GALNTL6: variants seen among roughly 807,000 people sequenced by gnomAD.
GALNTL6 encodes polypeptide N-acetylgalactosaminyltransferase like 6, also known as polypeptide N-acetylgalactosaminyltransferase-like 6.
A neutral mutation model predicts 73.7 loss-of-function variants in GALNTL6; 46 were observed. The observed-to-expected ratio is 0.62, with a 90% CI of 0.49 to 0.80. GALNTL6 has a LOEUF of 0.80. Ranked by LOEUF, GALNTL6 falls within the 30% of genes least tolerant of loss-of-function variation. The probability of loss-of-function intolerance (pLI) is 0.00; values close to 1 mark genes in which losing one functional copy is unlikely to be tolerated. For missense variants in GALNTL6, 604 were observed against 755.0 expected (o/e 0.80, Z 2.34); for synonymous variants, 259 against 263.7 (o/e 0.98, Z 0.17).
chr4:172,127,065 C>T (rs1733316915), intron 2 of GALNTL6, among the ~76,000 whole-genome samples: 1 of 152,224 alleles, frequency 6.6e-6, no homozygotes, highest in Admixed American at 6.5e-5. Context: ...ACTCCCCAGT[C>T]ACCTGCATAT....
intron 4 of GALNTL6, among the ~76,000 whole-genome samples, chr4:172,337,951 G>A (rs1377509607): frequency 2.6e-5 from 4 of 151,346 alleles, no homozygotes; most frequent in East Asian, 1.9e-4. Context: ...CATGTTTCTC[G>A]AAGACTTAAT....
chr4:172,055,683 C>A (rs1731001175), intron 2 of GALNTL6, among the ~76,000 whole-genome samples: 1 of 152,146 alleles, frequency 6.6e-6, no homozygotes, highest in Non-Finnish European at 1.5e-5. Flanking sequence ...CTAAGCAGGT[C>A]CTCTGGGCTG....
intron 2 of GALNTL6, among the ~76,000 whole-genome samples, chr4:171,954,609 A>T (rs1304667179): frequency 6.6e-6 from 1 of 152,220 alleles, no homozygotes; most frequent in Non-Finnish European, 1.5e-5. Flanking sequence ...ATTTCTAAAT[A>T]TTCATTAAAA....
At chr4:172,002,414 G>A (rs1234353549) in intron 2 of GALNTL6, among the ~76,000 whole-genome samples, 1 of 152,064 alleles carries the variant, frequency 6.6e-6, no homozygotes, top group Non-Finnish European at 1.5e-5. Flanking sequence ...CTCACCAAAG[G>A]TAAAATCTTC....
intron 5 of GALNTL6, among the ~76,000 whole-genome samples, chr4:172,605,498 C>T (rs992742849): frequency 6.6e-6 from 1 of 151,874 alleles, no homozygotes; most frequent in Non-Finnish European, 1.5e-5. Context: ...TAAAAGATAA[C>T]AACAAAATGA....
intron 2 of GALNTL6, among the ~76,000 whole-genome samples, chr4:172,180,938 T>C (rs1350841411): frequency 6.6e-6 from 1 of 152,236 alleles, no homozygotes; most frequent in Non-Finnish European, 1.5e-5. Flanking sequence ...CGGGCTGTTC[T>C]TTTCTTCTCT....
chr4:171,994,938 T>A (rs1026968442), intron 2 of GALNTL6, among the ~76,000 whole-genome samples: 3 of 151,874 alleles, frequency 2.0e-5, no homozygotes, highest in Non-Finnish European at 2.9e-5. Context: ...ACTAAACATT[T>A]AAAAAGTGAC....
rs375702794 is a variant in GALNTL6, at chr4:172,385,567, C to G, written c.553+36878C>G. On this transcript the variant is annotated intron_variant, in intron 5 of 12. Transcript: ENST00000506823. ...TTTATATCAATTTTTGTTTTACAATCTATTTTTTAAAATATTGATAACAGC... is the reference window on the plus strand; with the variant it reads ...TTTATATCAATTTTTGTTTTACAATGTATTTTTTAAAATATTGATAACAGC... Among the ~76,000 whole-genome samples, 70 of 151,944 alleles carry G rather than the reference C, an allele frequency of 4.6e-4. 5 individuals carry two copies. The highest frequency in any genetic ancestry group is 4.1e-3 in the South Asian group (20 of 4,828).
At chr4:172,127,732 T>C (rs981582800) in intron 2 of GALNTL6, among the ~76,000 whole-genome samples, 1 of 152,232 alleles carries the variant, frequency 6.6e-6, no homozygotes, top group African/African-American at 2.4e-5. Flanking sequence ...CGAAGTGTTA[T>C]ACAAACAAAA....
chr4:172,776,841 G>GT (rs1739102828), intron 5 of GALNTL6, among the ~76,000 whole-genome samples: 1 of 152,128 alleles, frequency 6.6e-6, no homozygotes, highest in African/African-American at 2.4e-5. Context: ...ACAGATTTAG[G>GT]TTTACTTCCT....
At position 173,001,276 on chromosome 4, in the gene GALNTL6, GT is replaced by G. The variant is rs1005319799; in HGVS notation, c.1372-7899del. 3.2e-4 allele frequency among the ~76,000 whole-genome samples: 48 copies of G among 152,256 alleles called. 4 individuals carry two copies. The highest frequency in any genetic ancestry group is 2.8e-3 in the Admixed American group (43 of 15,288). On this transcript the variant is annotated intron_variant, in intron 10 of 12. Transcript: ENST00000506823. ...AAATTGCTGTAGTTTAATCCACTTG[GT>G]TTGTGGTGCTTTCCTTCGGAAGCCA... is the stretch of plus-strand genomic sequence containing the variant.
intron 5 of GALNTL6, among the ~76,000 whole-genome samples, chr4:172,407,811 G>A (rs1744292353): frequency 6.6e-6 from 1 of 152,012 alleles, no homozygotes; most frequent in South Asian, 2.1e-4. Flanking sequence ...AAATGGAATT[G>A]AATGTTTAGC....
intron 2 of GALNTL6, among the ~76,000 whole-genome samples, chr4:171,942,067 A>T (rs78610849): frequency 0.047 from 7,161 of 151,998 alleles, 426 homozygotes; most frequent in African/African-American, 0.15. Flanking sequence ...TGCTATAGCG[A>T]TTTTAACACA....
chr4:172,482,061 G>A (rs1003878439), intron 5 of GALNTL6, among the ~76,000 whole-genome samples: 2 of 152,220 alleles, frequency 1.3e-5, no homozygotes, highest in African/African-American at 2.4e-5. Flanking sequence ...GCGCAGCGCA[G>A]GTGGCCCAGC....
At chr4:172,688,147 G>GA (rs1416875718) in intron 5 of GALNTL6, among the ~76,000 whole-genome samples, 1 of 152,112 alleles carries the variant, frequency 6.6e-6, no homozygotes, top group Non-Finnish European at 1.5e-5. Context: ...CACCAAAGTG[G>GA]AAAAAACTCA....
chr4:172,876,273 A>G (rs945689727), intron 7 of GALNTL6, among the ~76,000 whole-genome samples: 2 of 152,236 alleles, frequency 1.3e-5, no homozygotes, highest in Non-Finnish European at 2.9e-5. Context: ...GGTACAAAAT[A>G]GCACAAAATT....
At chr4:172,011,285 G>A (rs111753990) in intron 2 of GALNTL6, among the ~76,000 whole-genome samples, 49 of 152,150 alleles carry the variant, frequency 3.2e-4, no homozygotes, top group South Asian at 8.3e-4. Flanking sequence ...TGAAATTTGC[G>A]GAGGAAGAAA....
intron 5 of GALNTL6, among the ~76,000 whole-genome samples, chr4:172,542,928 T>C (rs983908077): frequency 1.4e-5 from 2 of 145,512 alleles, no homozygotes; most frequent in African/African-American, 5.0e-5. Flanking sequence ...CTGTCTCTAC[T>C]AAAAAAAAAA....
At chr4:172,775,623 G>A (rs6817631) in intron 5 of GALNTL6, among the ~76,000 whole-genome samples, 78,921 of 151,974 alleles carry the variant, frequency 0.52, 21,339 homozygotes, top group East Asian at 0.78. Context: ...ACACTTCAGG[G>A]TAGATAAACC....
Sources: gnomAD v4.1 joint callset for allele counts (sites outside exome capture counted in the v4.1 genomes callset) on GRCh38, gnomAD v4.1.1 for gene constraint, MANE v1.5 for transcripts, NCBI Gene and HGNC (gene_info 2026-07-23, HGNC 2026-07-21) for gene names.